LAMA2: variants seen among roughly 807,000 people sequenced by gnomAD.
LAMA2 encodes laminin subunit alpha 2.
A neutral mutation model predicts 364.8 loss-of-function variants in LAMA2; 269 were observed. The observed-to-expected ratio is 0.74, with a 90% CI of 0.67 to 0.82. The LOEUF (loss-of-function observed/expected upper bound fraction) is 0.82, where lower values mean the gene tolerates loss of function less well. LAMA2 is among the 40% of genes least tolerant of loss of function. The pLI is 0.00. For synonymous variants in LAMA2, 1,379 were observed against 1,370.6 expected (o/e 1.01, Z -0.14); for missense variants, 3,807 against 3,873.2 (o/e 0.98, Z 0.45).
chr6:129,438,966 T>C (rs1396935150), intron 42 of LAMA2, among the ~76,000 whole-genome samples: 4 of 152,014 alleles, frequency 2.6e-5, no homozygotes, highest in East Asian at 3.8e-4. Flanking sequence ...TTTTATTGCC[T>C]TTAGCCAGTA....
chr6:129,072,245 T>G (rs193114822), intron 3 of LAMA2, among the ~76,000 whole-genome samples: 2 of 152,326 alleles, frequency 1.3e-5, no homozygotes, highest in Admixed American at 1.3e-4. Context: ...TATTGATACT[T>G]TTAAATTAGA....
chr6:129,454,344 C>T (rs902375779), intron 47 of LAMA2, 56 bp downstream of exon 47: 3 of 1,440,504 alleles, frequency 2.1e-6, no homozygotes, highest in African/African-American at 2.8e-5. Flanking sequence ...GAAGTAGTTT[C>T]CCAGTTTATA....
At chr6:129,007,898 G>C (rs1269864209) in intron 1 of LAMA2, among the ~76,000 whole-genome samples, 2 of 152,176 alleles carry the variant, frequency 1.3e-5, no homozygotes, top group Non-Finnish European at 2.9e-5. Context: ...TGGAGATCCT[G>C]CTGGCGTTTC....
intron 48 of LAMA2, among the ~76,000 whole-genome samples, chr6:129,459,117 C>T (rs992680427): frequency 2.6e-5 from 4 of 151,964 alleles, no homozygotes; most frequent in African/African-American, 9.7e-5. Flanking sequence ...CTAGATGGTA[C>T]AGCCTACTAC....
At chr6:129,489,307 T>C (rs1784744618) in intron 56 of LAMA2, among the ~76,000 whole-genome samples, 1 of 152,196 alleles carries the variant, frequency 6.6e-6, no homozygotes, top group Admixed American at 6.5e-5. Flanking sequence ...AAGCTCCTTC[T>C]CCCTTGTCCT....
At chr6:129,132,949 G>A (rs1425713750) in intron 4 of LAMA2, among the ~76,000 whole-genome samples, 1 of 152,134 alleles carries the variant, frequency 6.6e-6, no homozygotes, top group Non-Finnish European at 1.5e-5. Flanking sequence ...TTGAACACAA[G>A]CAATTTGTCT....
At chr6:128,994,848 A>G (rs1259511516) in intron 1 of LAMA2, among the ~76,000 whole-genome samples, 1 of 152,090 alleles carries the variant, frequency 6.6e-6, no homozygotes, top group African/African-American at 2.4e-5. Flanking sequence ...ATTTAACATA[A>G]CACCCTATAT....
At chr6:129,292,917 T>C (rs1428577917) in intron 20 of LAMA2, 8 of 985,804 alleles carry the variant, frequency 8.1e-6, no homozygotes, top group Non-Finnish European at 9.6e-6. Context: ...TAAATCAGGC[T>C]TCGTAGGGAA....
intron 44 of LAMA2, 116 bp from the exon 45 acceptor site, chr6:129,445,551 C>T: frequency 1.1e-6 from 1 of 878,668 alleles, no homozygotes; most frequent in African/African-American, 1.7e-5. Context: ...GCTGTTATGG[C>T]CATGCTTTGT....
At chr6:128,951,952 G>T (rs1780849526) in intron 1 of LAMA2, among the ~76,000 whole-genome samples, 1 of 152,098 alleles carries the variant, frequency 6.6e-6, no homozygotes, top group Non-Finnish European at 1.5e-5. Flanking sequence ...ATCGCTTGAG[G>T]CCAGGAGTTC....
chr6:129,167,152 G>A (rs547434132), intron 9 of LAMA2, among the ~76,000 whole-genome samples: 6 of 151,768 alleles, frequency 4.0e-5, no homozygotes, highest in East Asian at 3.9e-4. Flanking sequence ...CCTTTTTTCC[G>A]ATTCAGTTTT....
intron 1 of LAMA2, among the ~76,000 whole-genome samples, chr6:128,924,697 G>A (rs1224485074): frequency 1.3e-5 from 2 of 152,300 alleles, no homozygotes; most frequent in East Asian, 3.9e-4. Flanking sequence ...TGGATTTGTA[G>A]GTCCTGCTCA....
chr6:129,392,407 G>T (rs1779370381), intron 36 of LAMA2, among the ~76,000 whole-genome samples: 3 of 152,126 alleles, frequency 2.0e-5, no homozygotes, highest in Admixed American at 2.0e-4. Context: ...TTTGGGGATG[G>T]GACCCAGCAA....
chr6:129,387,328 A>G (rs1036597301), intron 35 of LAMA2, among the ~76,000 whole-genome samples: 3 of 152,216 alleles, frequency 2.0e-5, no homozygotes, highest in African/African-American at 7.2e-5. Flanking sequence ...TGATCATTAG[A>G]GAAATGCAAG....
At chr6:128,929,281 G>A in intron 1 of LAMA2, 1 of 1,318,474 alleles carries the variant, frequency 7.6e-7, no homozygotes, top group African/African-American at 1.4e-5. Context: ...CGTCATTGAT[G>A]CGGATCCCTG....
chr6:129,452,327 A>T (rs1205119263), intron 45 of LAMA2, among the ~76,000 whole-genome samples: 7 of 152,216 alleles, frequency 4.6e-5, no homozygotes, highest in African/African-American at 1.7e-4. Flanking sequence ...TTAAGGTATT[A>T]TTCAAAAGAA....
chr6:128,919,746 A>T (rs1449018483), intron 1 of LAMA2, among the ~76,000 whole-genome samples: 1 of 152,190 alleles, frequency 6.6e-6, no homozygotes, highest in Non-Finnish European at 1.5e-5. Flanking sequence ...AAATGCTGTC[A>T]TGGCATCTGA....
At chr6:129,196,594 C>G (rs1562320257) in intron 12 of LAMA2, among the ~76,000 whole-genome samples, 2 of 152,152 alleles carry the variant, frequency 1.3e-5, no homozygotes, top group Non-Finnish European at 2.9e-5. Context: ...TTTGTGACTT[C>G]TTTGCTCCAT....
At chr6:129,077,752 G>A (rs746376885) in intron 3 of LAMA2, among the ~76,000 whole-genome samples, 1 of 151,994 alleles carries the variant, frequency 6.6e-6, no homozygotes, top group South Asian at 2.1e-4. Context: ...ATTACCTTTC[G>A]ATATGTCAGA....
Sources: allele counts gnomAD v4.1 joint callset (sites outside exome capture counted in the v4.1 genomes callset), GRCh38; gene constraint gnomAD v4.1.1; transcripts MANE v1.5; gene names NCBI Gene and HGNC (gene_info 2026-07-23, HGNC 2026-07-21).